Variants in SBF2 observed in about 807,000 individuals in gnomAD.
SBF2 encodes myotubularin-related protein 13.
In SBF2, 112 loss-of-function variants were observed where a neutral mutation model predicts 225.2. The ratio of observed to expected loss-of-function variants is 0.50; its 90% CI spans 0.43 to 0.58. SBF2 has a LOEUF of 0.58. SBF2 is among the 20% of genes least tolerant of loss of function. The pLI is 0.00. For missense variants in SBF2, 1,996 were observed against 2,206.2 expected (o/e 0.90, Z 1.91); for synonymous variants, 763 against 773.3 (o/e 0.99, Z 0.22).
intron 17 of SBF2, among the ~76,000 whole-genome samples, chr11:9,863,512 C>G (rs1041996034): frequency 6.6e-6 from 1 of 152,214 alleles, no homozygotes; most frequent in Non-Finnish European, 1.5e-5. Context: ...GTGTACCTAA[C>G]TAACTGCACA....
intron 1 of SBF2, among the ~76,000 whole-genome samples, chr11:10,233,567 C>A (rs35269701): frequency 0.22 from 32,570 of 148,742 alleles, 4,163 homozygotes; most frequent in Non-Finnish European, 0.3. Flanking sequence ...ATATCTCTCT[C>A]TCTCAAAGAT....
Position 9,791,812 on chromosome 11 carries a change from T to C in SBF2, c.4571-1129A>G, listed in dbSNP as rs76515729. ...GTGTGGTAGTCAGCCCAAGTTGAAA[T>C]AGGCTCTAGGCACCTTTGTAGACAG... On this transcript the variant is annotated intron_variant, in intron 33 of 39. Coordinates refer to ENST00000256190, the MANE Select transcript of SBF2 (RefSeq NM_030962.4). 3.4e-3 allele frequency among the ~76,000 whole-genome samples: 515 copies of C among 152,320 alleles called. 3 individuals carry two copies. The highest frequency in any genetic ancestry group is 0.012 in the African/African-American group (489 of 41,582).
intron 2 of SBF2, among the ~76,000 whole-genome samples, chr11:10,061,540 C>A (rs920849595): frequency 1.3e-5 from 2 of 152,064 alleles, no homozygotes; most frequent in Non-Finnish European, 2.9e-5. Flanking sequence ...TTCCTATACA[C>A]CAACAACAAC....
chr11:9,870,650 T>C (rs538972635), intron 17 of SBF2, among the ~76,000 whole-genome samples: 238 of 151,980 alleles, frequency 1.6e-3, no homozygotes, highest in African/African-American at 5.6e-3. Flanking sequence ...ATACAGAAAA[T>C]TGAAACTGGA....
At chr11:9,974,580 T>C (rs1313166342) in intron 13 of SBF2, among the ~76,000 whole-genome samples, 1 of 140,328 alleles carries the variant, frequency 7.1e-6, no homozygotes, top group African/African-American at 2.7e-5. Flanking sequence ...CCTGCTGAAA[T>C]ACAAATTAGA....
rs916027705 is a variant in SBF2 at position 10,210,402 on chromosome 11, T to C, written c.56-16415A>G. ...GAGGAGGAAGAGAAGGAGGAAGGTA[T>C]AGAATATTTTAAGGAGAATTTCTGG... On this transcript the variant is annotated intron_variant, in intron 1 of 39. Coordinates refer to ENST00000256190, the MANE Select transcript of SBF2 (RefSeq NM_030962.4). 7.9e-5 allele frequency among the ~76,000 whole-genome samples: 12 copies of C among 151,870 alleles called. No individual in the cohort carries two copies. The East Asian group carries it at 9.7e-4, about 12-fold the overall frequency.
intron 2 of SBF2, among the ~76,000 whole-genome samples, chr11:10,063,882 A>G (rs1033872472): frequency 2.3e-4 from 30 of 128,350 alleles, no homozygotes; most frequent in African/African-American, 3.7e-4. Context: ...GAGAGAGAGA[A>G]AACGAAAAGA....
intron 16 of SBF2, among the ~76,000 whole-genome samples, chr11:9,939,510 A>AT (rs1223427519): frequency 1.3e-5 from 2 of 152,202 alleles, no homozygotes; most frequent in African/African-American, 2.4e-5. Context: ...CTCAACAAAT[A>AT]TTTACTGAAA....
At position 10,002,664 on chromosome 11, in the gene SBF2, A is replaced by G. The variant is rs148187321; in HGVS notation, c.645T>C (p.Phe215=). The stretch of plus-strand genomic sequence containing the variant: ...CCTTATTTTCTGTGAGGACTGCACA[A>G]AAGAGGCTGAGGACATTTTGAATTC... ...QLGIQNVLSL[F]CAVLTENKVL... Residue 215 remains phenylalanine (F), a synonymous_variant, in exon 7 of 40, where the codon TTT becomes TTC. Coordinates refer to ENST00000256190, the MANE Select transcript of SBF2 (RefSeq NM_030962.4). 1.1e-3 allele frequency: 1,757 copies of G among 1,613,514 alleles called. 12 individuals are homozygous for G. The African/African-American group carries it at 0.015, about 14-fold the overall frequency.
chr11:10,129,108 T>C lies in SBF2; in HGVS notation c.141+64794A>G, dbSNP rs1335697909. On this transcript the variant is annotated intron_variant, in intron 2 of 39. Transcript: ENST00000256190. ...TGCACGCAATTTTCTCTCTTTTTTT[T>C]TTTTTTTTTTTTTTTTTGAGACACA... 8.8e-4 allele frequency among the ~76,000 whole-genome samples: 127 copies of C among 143,726 alleles called. 1 individual carries two copies. The highest frequency in any genetic ancestry group is 2.9e-3 in the African/African-American group (113 of 38,828). 94.3% of individuals were successfully genotyped at this position (143,726 alleles called of 152,430 possible).
At chr11:9,849,912 C>T in intron 22 of SBF2, 111 bp downstream of exon 22, 3 of 1,068,842 alleles carry the variant, frequency 2.8e-6, no homozygotes, top group Non-Finnish European at 4.3e-6. Context: ...ACCTGTGTGG[C>T]AAAAAGCTGA....
rs111252510 is a variant in SBF2 at position 9,959,129 on chromosome 11, G to A, written c.1860+2828C>T. On this transcript the variant is annotated intron_variant, in intron 16 of 39. Coordinates refer to ENST00000256190, the MANE Select transcript of SBF2 (RefSeq NM_030962.4). ...ATCACTCCGAAGTCTTCACATACACGATGTAAGATGAAACAGGTCACCCAG... is the reference window on the plus strand; with the variant it reads ...ATCACTCCGAAGTCTTCACATACACAATGTAAGATGAAACAGGTCACCCAG... 110 of 1,017,184 alleles carry A rather than the reference G, an allele frequency of 1.1e-4. 1 individual carries two copies. The African/African-American group carries it at 1.3e-3, about 12-fold the overall frequency. The allele number at this position is 1,017,184 out of a possible 1,614,324, so 63.0% of individuals were successfully genotyped here.
intron 16 of SBF2, among the ~76,000 whole-genome samples, chr11:9,927,368 C>A (rs566781356): frequency 4.5e-4 from 68 of 152,204 alleles, no homozygotes; most frequent in East Asian, 3.9e-4. Context: ...CCGGAGTATG[C>A]ACTTCCCAAC....
chr11:10,166,437 T>A (rs946504418), intron 2 of SBF2, among the ~76,000 whole-genome samples: 1 of 152,058 alleles, frequency 6.6e-6, no homozygotes, highest in East Asian at 1.9e-4. Flanking sequence ...CAAATAACTG[T>A]CAAGCGGGGG....
chr11:10,293,928 C>A, intron 1 of SBF2, 87 bp downstream of exon 1: 1 of 1,026,340 alleles, frequency 9.7e-7, no homozygotes, highest in South Asian at 4.0e-5. Context: ...CCCCGACGCC[C>A]GTCCCCGACG....
intron 2 of SBF2, among the ~76,000 whole-genome samples, chr11:10,108,328 C>T (rs1030697213): frequency 1.3e-5 from 2 of 152,054 alleles, no homozygotes. Context: ...TGAGCATTGT[C>T]TTCTACATAG....
intron 2 of SBF2, among the ~76,000 whole-genome samples, chr11:10,117,836 G>T (rs1202047276): frequency 6.6e-6 from 1 of 151,966 alleles, no homozygotes; most frequent in Non-Finnish European, 1.5e-5. Flanking sequence ...AGTAAAGCTG[G>T]AATGCTGTAT....
At chr11:10,061,463 C>T (rs1316470841) in intron 2 of SBF2, among the ~76,000 whole-genome samples, 1 of 152,108 alleles carries the variant, frequency 6.6e-6, no homozygotes, top group Admixed American at 6.5e-5. Context: ...CCCAAAAGCT[C>T]CTTCAGCTGA....
At chr11:10,058,015 C>T (rs1235732090) in intron 2 of SBF2, among the ~76,000 whole-genome samples, 2 of 151,758 alleles carry the variant, frequency 1.3e-5, no homozygotes, top group Non-Finnish European at 2.9e-5. Context: ...ATTGAGTGTA[C>T]TCAATCTACA....
Sources: allele counts gnomAD v4.1 joint callset (sites outside exome capture counted in the v4.1 genomes callset), GRCh38; gene constraint gnomAD v4.1.1; transcripts MANE v1.5; gene names NCBI Gene and HGNC (gene_info 2026-07-23, HGNC 2026-07-21).